CNIH3: variants seen among roughly 807,000 people sequenced by gnomAD.
CNIH3 encodes the protein protein cornichon homolog 3.
CNIH3 carries 14 observed loss-of-function variants against 24.1 expected under a neutral mutation model. That is an observed-to-expected ratio of 0.58 (90% CI 0.38 to 0.91). The LOEUF (loss-of-function observed/expected upper bound fraction) is 0.91. CNIH3 is among the 40% of genes least tolerant of loss of function. The pLI, the probability that CNIH3 is intolerant of heterozygous loss-of-function variation, is 0.00. For synonymous variants in CNIH3, 68 were observed against 73.8 expected (o/e 0.92, Z 0.40); for missense variants, 178 against 196.8 (o/e 0.90, Z 0.57).
At chr1:224,673,077 C>T (rs1685949080) in intron 1 of CNIH3, among the ~76,000 whole-genome samples, 1 of 152,192 alleles carries the variant, frequency 6.6e-6, no homozygotes, top group Non-Finnish European at 1.5e-5. Flanking sequence ...GAATTTGCTA[C>T]TGCTCAGAAC....
At chr1:224,563,460 GGTGTGTGTGTGTGTGT>G (rs55836837) in intron 3 of CNIH3, among the ~76,000 whole-genome samples, 8 of 146,456 alleles carry the variant, frequency 5.5e-5, no homozygotes, top group Admixed American at 1.4e-4. Flanking sequence ...TTTTAGACGG[GGTGTGTGTGTGTGTGT>G]GTGTGTGTGT....
At position 224,458,752 on chromosome 1, in the gene CNIH3, G is replaced by A. The variant is rs1316826185; in HGVS notation, n.203+23890G>A. Among the ~76,000 whole-genome samples the A allele has an allele frequency of 6.6e-6, 1 of 152,150 alleles. No homozygotes were observed. Among genetic ancestry groups the A allele is most frequent in the East Asian group, 1.9e-4 (1 of 5,196 alleles). On this transcript the variant is annotated intron_variant and non_coding_transcript_variant, in intron 1 of 5. Transcript: ENST00000471578. This position sits in a 1 kb window ranked among gnomAD's most constrained non-coding sequence, Gnocchi z 4.3. Reference sequence around the variant, plus strand: ...CACCCACATACCCAAATCACCATGGGTATCAGACACACTGGGTAGCTGAGT... The same window carrying A: ...CACCCACATACCCAAATCACCATGGATATCAGACACACTGGGTAGCTGAGT...
intron 1 of CNIH3, among the ~76,000 whole-genome samples, chr1:224,516,717 C>T (rs538378521): frequency 5.3e-5 from 8 of 152,312 alleles, no homozygotes; most frequent in East Asian, 3.9e-4. Flanking sequence ...ATAAGCCATT[C>T]GGCGCCTGCC....
chr1:224,608,029 T>C (rs1405209439), intron 3 of CNIH3, among the ~76,000 whole-genome samples: 2 of 152,120 alleles, frequency 1.3e-5, no homozygotes, highest in Non-Finnish European at 2.9e-5. Flanking sequence ...GGCACCAAAG[T>C]ATGGGTCTGC....
chr1:224,495,533 G>T (rs1263867483), intron 1 of CNIH3, among the ~76,000 whole-genome samples: 2 of 152,218 alleles, frequency 1.3e-5, no homozygotes, highest in Non-Finnish European at 2.9e-5. Flanking sequence ...TGGAGTGTTT[G>T]TGTAGCTGGG....
intron 3 of CNIH3, among the ~76,000 whole-genome samples, chr1:224,686,839 A>G (rs1010204623): frequency 6.6e-6 from 1 of 152,260 alleles, no homozygotes; most frequent in African/African-American, 2.4e-5. Context: ...TAAGCACACT[A>G]TGCAAGAATT....
At position 224,616,501 on chromosome 1, in the gene CNIH3, C is replaced by T. The variant is rs1682994683; in HGVS notation, c.-674C>T. ...CACTTGGGTTGCGGAGGCCGGCTGG[C>T]CGGAGTCACGGTTGGGGACGGGCGC... is the stretch of plus-strand genomic sequence containing the variant. On this transcript the variant is annotated 5_prime_UTR_variant, in exon 1 of 6. Coordinates refer to ENST00000272133, the MANE Select transcript of CNIH3 (RefSeq NM_152495.2). 2.0e-6 allele frequency: 2 copies of T among 987,948 alleles called. No individual in the cohort carries two copies. The highest frequency in any genetic ancestry group is 2.4e-6 in the Non-Finnish European group (2 of 831,164). The allele number at this position is 987,948 out of a possible 1,614,324, so 61.2% of individuals were successfully genotyped here. A position where few individuals can be genotyped will look rare whatever the true frequency, so the allele number is the denominator to read the frequency against.
chr1:224,574,773 AC>A, intron 4 of CNIH3: 1 of 1,083,122 alleles, frequency 9.2e-7, no homozygotes, highest in Non-Finnish European at 1.4e-6. Context: ...TCGCTGGCCA[AC>A]CAGCTTCAAG....
chr1:224,623,113 G>T (rs1279416209), intron 1 of CNIH3, among the ~76,000 whole-genome samples: 1 of 152,078 alleles, frequency 6.6e-6, no homozygotes, highest in Non-Finnish European at 1.5e-5. Context: ...CCATCTTTGT[G>T]GTCCCTGAGC....
chr1:224,595,856 A>G (rs1472909935), intron 3 of CNIH3, among the ~76,000 whole-genome samples: 2 of 152,258 alleles, frequency 1.3e-5, no homozygotes, highest in African/African-American at 4.8e-5. Flanking sequence ...AACCCAGAGC[A>G]AGGCCCTAAC....
chr1:224,738,234 A>G (rs1689695606), intron 5 of CNIH3, among the ~76,000 whole-genome samples: 1 of 152,242 alleles, frequency 6.6e-6, no homozygotes, highest in South Asian at 2.1e-4. Flanking sequence ...CCCAGCACTG[A>G]GAATAGTGTC....
chr1:224,593,610 C>G (rs1681855824), downstream of CNIH3, among the ~76,000 whole-genome samples: 1 of 152,104 alleles, frequency 6.6e-6, no homozygotes, highest in South Asian at 2.1e-4. Context: ...ATACTAATTA[C>G]CTGATCTGAT....
intron 1 of CNIH3, among the ~76,000 whole-genome samples, chr1:224,447,045 G>A (rs1057171044): frequency 2.0e-5 from 3 of 152,078 alleles, no homozygotes; most frequent in African/African-American, 7.2e-5. Flanking sequence ...ATTGTGTTAG[G>A]GTTCTCCCGA....
intron 1 of CNIH3, among the ~76,000 whole-genome samples, chr1:224,479,064 C>T (rs1022613479): frequency 6.6e-6 from 1 of 150,828 alleles, no homozygotes; most frequent in Admixed American, 6.6e-5. Context: ...AAACTGTTAT[C>T]ATTCCCTCCC....
chr1:224,513,118 G>C (rs530763634), upstream of CNIH3, among the ~76,000 whole-genome samples: 16 of 152,156 alleles, frequency 1.1e-4, no homozygotes, highest in East Asian at 2.7e-3. Flanking sequence ...CAGAGACCCT[G>C]CCCGCAGCCT....
intron 1 of CNIH3, among the ~76,000 whole-genome samples, chr1:224,506,287 GCA>G (rs56331612): frequency 1.4e-4 from 20 of 147,428 alleles, no homozygotes; most frequent in African/African-American, 4.0e-4. Flanking sequence ...GCGCGCGCGC[GCA>G]CACACACACA....
chr1:224,668,273 G>T (rs73128997), intron 1 of CNIH3, among the ~76,000 whole-genome samples: 2 of 152,146 alleles, frequency 1.3e-5, no homozygotes, highest in African/African-American at 4.8e-5. Context: ...GCATTACTGC[G>T]TTCCTTTATA....
In CNIH3 at chr1:224,557,383, C is replaced by T. The variant is rs117253585; in HGVS notation, n.451-8816C>T. The stretch of plus-strand genomic sequence containing the variant: ...TCTTAGAAGGAGTCTTACAATAGTG[C>T]TTTCTTCAAAGAAAACCCCCTCACA... On this transcript the variant is annotated intron_variant and non_coding_transcript_variant, in intron 3 of 5. Coordinates refer to the CNIH3 transcript ENST00000471578. Among the ~76,000 whole-genome samples, 171 of 152,192 alleles carry T rather than the reference C, an allele frequency of 1.1e-3. 2 individuals are homozygous for T. The East Asian group carries it at 0.028, about 25-fold the overall frequency.
chr1:224,571,048 T>C (rs963490306), intron 4 of CNIH3, among the ~76,000 whole-genome samples: 2 of 152,266 alleles, frequency 1.3e-5, no homozygotes, highest in African/African-American at 2.4e-5. Context: ...TTGTTCAGTA[T>C]ACCTCTGTGC....
Sources: allele counts gnomAD v4.1 joint callset (sites outside exome capture counted in the v4.1 genomes callset), GRCh38; gene constraint gnomAD v4.1.1; non-coding constraint Gnocchi (gnomAD v3.1); transcripts MANE v1.5; gene names NCBI Gene and HGNC (gene_info 2026-07-23, HGNC 2026-07-21).